The following B3GALT1 variants were observed in gnomAD, a reference collection of about 807,000 sequenced individuals.
B3GALT1 encodes the protein UDP-Gal:betaGlcNAc beta 1,3-galactosyltransferase, polypeptide 1.
B3GALT1 carries 10 observed loss-of-function variants against 23.2 expected under a neutral mutation model. The observed-to-expected ratio is 0.43, with a 90% CI of 0.27 to 0.73. The LOEUF (loss-of-function observed/expected upper bound fraction) is 0.73. B3GALT1 is among the 30% of genes least tolerant of loss of function. The probability of loss-of-function intolerance (pLI) is 0.21; values close to 1 mark genes in which losing one functional copy is unlikely to be tolerated. For synonymous variants in B3GALT1, 156 were observed against 141.5 expected, an observed-to-expected ratio of 1.10 and a Z score of -0.73; for missense variants, 299 against 405.4, an observed-to-expected ratio of 0.74 and a Z score of 2.25.
chr2:167,578,175 AG>A (rs1161294601), intron 2 of B3GALT1, among the ~76,000 whole-genome samples: 1 of 151,996 alleles, frequency 6.6e-6, no homozygotes, highest in Non-Finnish European at 1.5e-5. Flanking sequence ...TGTAAAGCAT[AG>A]TATTGAGTTC....
intron 1 of B3GALT1, among the ~76,000 whole-genome samples, chr2:167,363,902 TA>T (rs1697541732): frequency 6.6e-6 from 1 of 152,074 alleles, no homozygotes; most frequent in Non-Finnish European, 1.5e-5. Flanking sequence ...CTCACACCTA[TA>T]ATCCCAGCAC....
intron 3 of B3GALT1, among the ~76,000 whole-genome samples, chr2:167,816,519 G>T (rs1424651241): frequency 6.6e-6 from 1 of 151,444 alleles, no homozygotes; most frequent in African/African-American, 2.4e-5. Context: ...CCTAGGATAG[G>T]GTCTGTCTCA....
At chr2:167,423,601 A>G (rs1698580316) in intron 1 of B3GALT1, among the ~76,000 whole-genome samples, 2 of 152,194 alleles carry the variant, frequency 1.3e-5, no homozygotes, top group Non-Finnish European at 2.9e-5. Context: ...TTAACAAACA[A>G]TATTTCTGCT....
At chr2:167,459,387 G>T (rs942823755) in intron 1 of B3GALT1, among the ~76,000 whole-genome samples, 34 of 152,102 alleles carry the variant, frequency 2.2e-4, no homozygotes, top group South Asian at 6.2e-4. Context: ...ACAAAACTCT[G>T]ATATAAAGAT....
intron 4 of B3GALT1, among the ~76,000 whole-genome samples, chr2:167,851,882 T>A (rs1379167103): frequency 6.6e-6 from 1 of 152,236 alleles, no homozygotes; most frequent in Non-Finnish European, 1.5e-5. Context: ...TTATTGCTGT[T>A]GTGCATCATG....
rs180983865 is a variant in B3GALT1 at position 167,828,540 on chromosome 2, A to C, written c.-230+9747A>C. ...CATGGCTCCTATATTCCCAACAGGC[A>C]CGTTTAAAACATGTCCCCTTCTTTG... On this transcript the variant is annotated intron_variant, in intron 4 of 4. Transcript: ENST00000392690. Among the ~76,000 whole-genome samples the C allele has an allele frequency of 1.3e-3, 194 of 152,320 alleles. 1 individual carries two copies. Among genetic ancestry groups the C allele is most frequent in the African/African-American group, 4.4e-3 (185 of 41,578 alleles).
chr2:167,533,637 T>C (rs1253108140), intron 2 of B3GALT1, among the ~76,000 whole-genome samples: 1 of 152,222 alleles, frequency 6.6e-6, no homozygotes, highest in Non-Finnish European at 1.5e-5. Flanking sequence ...TCATTATACA[T>C]GTAACTACCT....
chr2:167,507,233 G>A (rs1217731735), intron 2 of B3GALT1, among the ~76,000 whole-genome samples: 2 of 152,010 alleles, frequency 1.3e-5, no homozygotes, highest in African/African-American at 4.8e-5. Context: ...GAGGGCGGGT[G>A]CAGTGGCTCA....
In B3GALT1 at chr2:167,625,278, T is replaced by C. The variant is rs181035696; in HGVS notation, c.-409-21631T>C. ...CAAATGCCACAAAATGCCATAGAAA[T>C]AAAAATGGATGGCTAACCTTTGAGG... is the stretch of plus-strand genomic sequence containing the variant. On this transcript the variant is annotated intron_variant, in intron 2 of 4. Coordinates refer to ENST00000392690, the MANE Select transcript of B3GALT1 (RefSeq NM_020981.4). Among the ~76,000 whole-genome samples the C allele has an allele frequency of 3.3e-5, 5 of 151,966 alleles. No individual in the cohort carries two copies. The East Asian group carries it at 9.7e-4, about 29-fold the overall frequency.
chr2:167,444,019 C>G (rs1448033084), intron 1 of B3GALT1, among the ~76,000 whole-genome samples: 1 of 151,802 alleles, frequency 6.6e-6, no homozygotes, highest in East Asian at 1.9e-4. Flanking sequence ...TTAGATAGCT[C>G]TTATTATTTT....
intron 2 of B3GALT1, among the ~76,000 whole-genome samples, chr2:167,516,937 T>G (rs1700107174): frequency 8.4e-6 from 1 of 119,600 alleles, no homozygotes; most frequent in Admixed American, 8.6e-5. Flanking sequence ...GACATATAAG[T>G]ACTTCTGTGT....
chr2:167,436,502 T>A (rs768523134), intron 1 of B3GALT1, among the ~76,000 whole-genome samples: 7 of 152,220 alleles, frequency 4.6e-5, no homozygotes, highest in Non-Finnish European at 8.8e-5. Flanking sequence ...ATGTCTTCAT[T>A]GCTGTTAGTT....
chr2:167,676,139 C>G (rs113592128), intron 3 of B3GALT1, among the ~76,000 whole-genome samples: 3,992 of 152,102 alleles, frequency 0.026, 181 homozygotes, highest in African/African-American at 0.091. Flanking sequence ...TGCTGCTCCT[C>G]CCTCTCCCAG....
chr2:167,458,594 C>A (rs1699208249), intron 1 of B3GALT1, among the ~76,000 whole-genome samples: 1 of 152,198 alleles, frequency 6.6e-6, no homozygotes, highest in Non-Finnish European at 1.5e-5. Context: ...GTTCTGATTT[C>A]TCCACTCCCT....
intron 3 of B3GALT1, among the ~76,000 whole-genome samples, chr2:167,710,918 A>T (rs758007194): frequency 3.3e-5 from 5 of 152,102 alleles, no homozygotes; most frequent in African/African-American, 1.2e-4. Flanking sequence ...AATGGCAGCA[A>T]TCTTTCAAGT....
chr2:167,445,403 A>C (rs6748649), intron 1 of B3GALT1, among the ~76,000 whole-genome samples: 2,647 of 152,180 alleles, frequency 0.017, 81 homozygotes, highest in African/African-American at 0.061. Context: ...GAGCTGAGTT[A>C]AATTCCTGGA....
rs141575717 is a variant in B3GALT1, at chr2:167,848,246, C to T, written c.-229-20565C>T. Among the ~76,000 whole-genome samples the T allele has an allele frequency of 3.1e-3, 478 of 152,138 alleles. 3 individuals are homozygous for T. Among genetic ancestry groups the T allele is most frequent in the African/African-American group, 0.011 (451 of 41,508 alleles). ...ACCCTCCCTAATTCATTCTGTGAAG[C>T]GAGCATCACCCTAATACCAAAACCA... On this transcript the variant is annotated intron_variant, in intron 4 of 4. Transcript: ENST00000392690.
chr2:167,752,579 C>T (rs1462014901), intron 3 of B3GALT1, among the ~76,000 whole-genome samples: 1 of 143,426 alleles, frequency 7.0e-6, no homozygotes, highest in Non-Finnish European at 1.5e-5. Flanking sequence ...TCCTCCCCCC[C>T]GCCCCTCTCC....
At chr2:167,416,421 G>A (rs2105298751) in intron 1 of B3GALT1, among the ~76,000 whole-genome samples, 1 of 152,354 alleles carries the variant, frequency 6.6e-6, no homozygotes. Flanking sequence ...AAAGAGTTGT[G>A]AAGGGTTGGC....
Sources: gnomAD v4.1 joint callset for allele counts (sites outside exome capture counted in the v4.1 genomes callset) on GRCh38, gnomAD v4.1.1 for gene constraint, MANE v1.5 for transcripts, NCBI Gene and HGNC (gene_info 2026-07-23, HGNC 2026-07-21) for gene names.